Variants in SH3RF3 observed in about 807,000 individuals in gnomAD.
SH3RF3 encodes the protein E3 ubiquitin-protein ligase SH3RF3.
Under a neutral mutation model 66.3 loss-of-function variants are expected in SH3RF3, and 29 were observed. The ratio of observed to expected loss-of-function variants is 0.44; its 90% CI spans 0.33 to 0.60. The LOEUF is 0.60. SH3RF3 is among the 20% of genes least tolerant of loss of function. The pLI is 0.04. For synonymous variants in SH3RF3, 583 were observed against 532.0 expected (o/e 1.10, Z -1.32); for missense variants, 1,194 against 1,190.9 (o/e 1.00, Z -0.04).
chr2:109,475,213 G>A (rs772310019), intron 8 of SH3RF3, among the ~76,000 whole-genome samples: 81 of 152,218 alleles, frequency 5.3e-4, no homozygotes, highest in Non-Finnish European at 1.0e-3. Flanking sequence ...TCTTGACCTC[G>A]TGATCCACCC....
chr2:109,434,066 G>A (rs1036357136), intron 6 of SH3RF3, among the ~76,000 whole-genome samples: 11 of 152,184 alleles, frequency 7.2e-5, no homozygotes, highest in South Asian at 2.1e-4. Context: ...GCCTGCAACC[G>A]GCCTGTGCTT....
chr2:109,209,913 C>A (rs1265554737), intron 1 of SH3RF3, among the ~76,000 whole-genome samples: 2 of 152,092 alleles, frequency 1.3e-5, no homozygotes, highest in African/African-American at 2.4e-5. Context: ...GTTTTGTAAC[C>A]ACTGCCACTA....
intron 1 of SH3RF3, among the ~76,000 whole-genome samples, chr2:109,203,368 T>C (rs9677641): frequency 0.39 from 60,040 of 152,126 alleles, 14,968 homozygotes; most frequent in Non-Finnish European, 0.56. Context: ...TGCCCTGTTG[T>C]GAGACGGATG....
At chr2:109,217,358 A>G (rs1679122699) in intron 1 of SH3RF3, among the ~76,000 whole-genome samples, 1 of 152,220 alleles carries the variant, frequency 6.6e-6, no homozygotes, top group African/African-American at 2.4e-5. Context: ...CACTTACCAT[A>G]TCGTGAATGA....
intron 2 of SH3RF3, among the ~76,000 whole-genome samples, chr2:109,362,092 T>C (rs1196714944): frequency 6.6e-6 from 1 of 152,126 alleles, no homozygotes; most frequent in Non-Finnish European, 1.5e-5. Context: ...ATTTCTTTTA[T>C]TTTATTTATT....
At chr2:109,492,619 C>T (rs985654663) in intron 9 of SH3RF3, among the ~76,000 whole-genome samples, 1 of 152,176 alleles carries the variant, frequency 6.6e-6, no homozygotes, top group Admixed American at 6.5e-5. Context: ...CAGTTATCCT[C>T]GTTTTACAGA....
intron 1 of SH3RF3, among the ~76,000 whole-genome samples, chr2:109,270,991 A>T (rs1286194216): frequency 6.6e-6 from 1 of 152,114 alleles, no homozygotes; most frequent in Non-Finnish European, 1.5e-5. Flanking sequence ...TGTTTATTCC[A>T]TTTTCTGGGT....
At chr2:109,459,296 T>C (rs1040248830) in intron 8 of SH3RF3, among the ~76,000 whole-genome samples, 2 of 152,144 alleles carry the variant, frequency 1.3e-5, no homozygotes, top group African/African-American at 4.8e-5. Flanking sequence ...GTTACAATCC[T>C]CATTTCTGTA....
At chr2:109,469,495 A>G (rs1339580821) in intron 8 of SH3RF3, among the ~76,000 whole-genome samples, 1 of 152,168 alleles carries the variant, frequency 6.6e-6, no homozygotes, top group Admixed American at 6.5e-5. Flanking sequence ...GTGCAGTGGG[A>G]TGGTCTTCTG....
intron 5 of SH3RF3, among the ~76,000 whole-genome samples, chr2:109,422,502 C>T (rs1676909090): frequency 6.6e-6 from 1 of 152,142 alleles, no homozygotes; most frequent in Non-Finnish European, 1.5e-5. Context: ...GGCTCAGTTG[C>T]CCGGAAACAC....
chr2:109,489,819 C>G (rs1209894352), intron 8 of SH3RF3, among the ~76,000 whole-genome samples: 2 of 152,180 alleles, frequency 1.3e-5, no homozygotes, highest in Non-Finnish European at 2.9e-5. Context: ...CTCACTGCAA[C>G]CTCCACCTCC....
chr2:109,265,448 G>A (rs1344603304), intron 1 of SH3RF3, among the ~76,000 whole-genome samples: 1 of 152,228 alleles, frequency 6.6e-6, no homozygotes, highest in African/African-American at 2.4e-5. Context: ...CTGACAGTGA[G>A]CCCCCACCTC....
At chr2:109,192,526 T>C (rs138793385) in intron 1 of SH3RF3, among the ~76,000 whole-genome samples, 71 of 152,274 alleles carry the variant, frequency 4.7e-4, no homozygotes, top group Middle Eastern at 3.4e-3. Flanking sequence ...CTTATAGAGA[T>C]TTGGTAATTT....
At chr2:109,220,504 A>G (rs1679205786) in intron 1 of SH3RF3, among the ~76,000 whole-genome samples, 1 of 152,246 alleles carries the variant, frequency 6.6e-6, no homozygotes, top group Non-Finnish European at 1.5e-5. Flanking sequence ...AAAGAATGGG[A>G]GAAAATATTT....
intron 1 of SH3RF3, among the ~76,000 whole-genome samples, chr2:109,346,484 G>C (rs62152238): frequency 0.18 from 27,332 of 151,996 alleles, 2,617 homozygotes; most frequent in African/African-American, 0.24. Context: ...GAAAATCGTT[G>C]GGTATTGACA....
intron 1 of SH3RF3, among the ~76,000 whole-genome samples, chr2:109,163,752 C>T (rs1201413058): frequency 4.6e-5 from 7 of 152,144 alleles, no homozygotes; most frequent in Non-Finnish European, 8.8e-5. Flanking sequence ...TAACTGGAAT[C>T]GCCATCCTGT....
intron 3 of SH3RF3, among the ~76,000 whole-genome samples, chr2:109,377,269 G>A (rs1221490837): frequency 2.6e-5 from 4 of 152,214 alleles, no homozygotes; most frequent in South Asian, 4.1e-4. Flanking sequence ...GGCCAGCGGG[G>A]CGTTGGTCTG....
intron 1 of SH3RF3, among the ~76,000 whole-genome samples, chr2:109,274,634 C>T (rs565513497): frequency 9.8e-4 from 149 of 152,164 alleles, no homozygotes; most frequent in Non-Finnish European, 1.3e-3. Flanking sequence ...TGAGAAGAGG[C>T]GGCAATGGAG....
At chr2:109,170,259 C>T (rs796582925) in intron 1 of SH3RF3, among the ~76,000 whole-genome samples, 769 of 30,392 alleles carry the variant, frequency 0.025, 13 homozygotes, top group African/African-American at 0.066. Context: ...CTTCTCTTCT[C>T]TTCTCTTCTC....
Sources: gnomAD v4.1 joint callset for allele counts (sites outside exome capture counted in the v4.1 genomes callset) on GRCh38, gnomAD v4.1.1 for gene constraint, MANE v1.5 for transcripts, NCBI Gene and HGNC (gene_info 2026-07-23, HGNC 2026-07-21) for gene names.